The following PLD3 variants were observed in gnomAD, a reference collection of about 807,000 sequenced individuals.
The protein encoded by PLD3 is phospholipase D family member 3.
In PLD3, 31 loss-of-function variants were observed where a neutral mutation model predicts 58.4. The ratio of observed to expected loss-of-function variants is 0.53; its 90% CI spans 0.40 to 0.72. PLD3 has a LOEUF of 0.72. Ranked by LOEUF, PLD3 falls within the 30% of genes least tolerant of loss-of-function variation. The pLI is 0.00. For missense variants in PLD3, 595 were observed against 659.8 expected (o/e 0.90, Z 1.08); for synonymous variants, 264 against 273.4 (o/e 0.97, Z 0.34).
intron 11 of PLD3, 60 bp from the exon 12 acceptor site, chr19:40,377,726 C>T (rs2079271055): frequency 4.1e-6 from 5 of 1,232,646 alleles, no homozygotes; most frequent in African/African-American, 1.5e-5. Context: ...TCCCTGATCC[C>T]GGGGCTCCTC....
intron 6 of PLD3, among the ~76,000 whole-genome samples, chr19:40,368,258 C>T (rs1377000433): frequency 1.3e-5 from 2 of 152,206 alleles, no homozygotes; most frequent in African/African-American, 2.4e-5. Context: ...GCCACCTCTT[C>T]TCTCCAGCTT....
intron 6 of PLD3, among the ~76,000 whole-genome samples, chr19:40,369,303 G>A (rs1024914344): frequency 4.0e-5 from 6 of 151,708 alleles, no homozygotes; most frequent in Admixed American, 2.0e-4. Flanking sequence ...TGAGGCAGGC[G>A]GAATGCTTGA....
rs745463234 is a variant in PLD3, at chr19:40,377,876, A to G, written c.1276A>G (p.Thr426Ala). 37 of 1,613,692 alleles carry G rather than the reference A, an allele frequency of 2.3e-5. No homozygotes were observed. The highest frequency in any genetic ancestry group is 2.9e-5 in the Non-Finnish European group (34 of 1,179,814). Residue 426 changes from threonine to alanine, a missense_variant, in exon 12 of 13, where the codon ACC (threonine) becomes GCC (alanine). Thr to Ala is a moderately conservative substitution (Grantham distance 58). Coordinates refer to ENST00000409735, the MANE Select transcript of PLD3 (RefSeq NM_012268.4). ...HNKYMVTERA[T>A]YIGTSNWSGN... ...CAAGTACATGGTGACTGAACGCGCC[A>G]CCTACATCGGTGAGTGTCTTGAGCA...
Position 40,366,502 on chromosome 19 carries a change from T to C in PLD3, c.19T>C (p.Tyr7His). The C allele has an allele frequency of 1.9e-6, 3 of 1,613,566 alleles. No individual in the cohort carries two copies. The highest frequency in any genetic ancestry group is 1.3e-5 in the African/African-American group (1 of 75,000). The change falls in exon 3 of 13, where the codon TAC (tyrosine) becomes CAC (histidine). Residue 7 changes from tyrosine (Y) to histidine (H), a missense_variant. By Grantham distance (83) the Tyr-to-His change is moderately conservative. Coordinates refer to ENST00000409735, the MANE Select transcript of PLD3 (RefSeq NM_012268.4). ...AGGGAAGATGAAGCCTAAACTGATG[T>C]ACCAGGAGGTAGGTGGATTGGGGGG... is the stretch of plus-strand genomic sequence containing the variant. Reference protein sequence around the residue: MKPKLMYQELKVPAEEP... With the variant: MKPKLMHQELKVPAEEP...
rs569404689 is a variant in PLD3 at position 40,354,129 on chromosome 19, A to C, written c.-279+5361A>C. The stretch of plus-strand genomic sequence containing the variant: ...CGCTCTGTTGCCCAGGCTGGAGTGC[A>C]GTGGCGCGATCTCGGCTCACTGCAA... On this transcript the variant is annotated intron_variant, in intron 1 of 12. Coordinates refer to ENST00000409735, the MANE Select transcript of PLD3 (RefSeq NM_012268.4). Among the ~76,000 whole-genome samples, 21 of 133,302 alleles carry C rather than the reference A, an allele frequency of 1.6e-4. No homozygotes were observed. In the East Asian group the frequency reaches 2.0e-3, roughly 13 times the overall value. The allele number at this position is 133,302 out of a possible 152,430, so 87.5% of individuals were successfully genotyped here.
At chr19:40,370,303 G>T (rs1015288018) in intron 8 of PLD3, 66 bp downstream of exon 8, 2 of 1,527,280 alleles carry the variant, frequency 1.3e-6, no homozygotes, top group African/African-American at 2.7e-5. Flanking sequence ...CCCAGCCTCC[G>T]ACTGCATCCC....
chr19:40,375,466 T>C (rs1218320667), intron 10 of PLD3, among the ~76,000 whole-genome samples: 3 of 149,316 alleles, frequency 2.0e-5, no homozygotes, highest in Non-Finnish European at 4.5e-5. Context: ...CTGGCCAACA[T>C]GGTGAAGCCC....
chr19:40,368,497 T>C (rs1280298072), intron 6 of PLD3, among the ~76,000 whole-genome samples: 2 of 152,222 alleles, frequency 1.3e-5, no homozygotes, highest in Admixed American at 6.5e-5. Flanking sequence ...ACCTCTTCCA[T>C]TGAAAAACCA....
chr19:40,366,790 G>T lies in PLD3; in HGVS notation c.120G>T (p.Leu40=). 6.2e-7 allele frequency: 1 copy of T among 1,613,952 alleles called. No individual in the cohort carries two copies. The highest frequency in any genetic ancestry group is 8.5e-7 in the Non-Finnish European group (1 of 1,179,910). Residue 40 remains leucine (L), a synonymous_variant, in exon 5 of 13, where the codon CTG becomes CTT. Coordinates refer to ENST00000409735, the MANE Select transcript of PLD3 (RefSeq NM_012268.4). The part of the protein sequence containing the change: ...KAAEKKARWV[L]LVLILAVVGF... Reference sequence around the variant, plus strand: ...CCCCACAGAAAGCCCGCTGGGTCCTGCTGGTCCTCATTCTGGCGGTTGTGG... The same window carrying T: ...CCCCACAGAAAGCCCGCTGGGTCCTTCTGGTCCTCATTCTGGCGGTTGTGG...
At chr19:40,375,017 G>A (rs540329516) in intron 10 of PLD3, among the ~76,000 whole-genome samples, 8 of 152,232 alleles carry the variant, frequency 5.3e-5, no homozygotes, top group Admixed American at 4.6e-4. Flanking sequence ...TTAGCCGGGC[G>A]TGGTGGCACG....
Position 40,378,421 on chromosome 19 carries a change from C to T in PLD3, c.*248C>T, listed in dbSNP as rs1257637332. 5.0e-6 allele frequency: 3 copies of T among 602,560 alleles called. No homozygotes were observed. The highest frequency in any genetic ancestry group is 8.9e-6 in the Non-Finnish European group (3 of 336,196). The allele number at this position is 602,560 out of a possible 1,614,324, so 37.3% of individuals were successfully genotyped here. A position where few individuals can be genotyped will look rare whatever the true frequency, so the allele number is the denominator to read the frequency against. ...GTGCATGCTGGGCCTGGCCCCCTGG[C>T]CCACCCCCACTTTCCAGGGCAAAAA... is the stretch of plus-strand genomic sequence containing the variant. On this transcript the variant is annotated 3_prime_UTR_variant, in exon 13 of 13. Coordinates refer to ENST00000409735, the MANE Select transcript of PLD3 (RefSeq NM_012268.4).
intron 6 of PLD3, among the ~76,000 whole-genome samples, chr19:40,368,122 A>G (rs929487018): frequency 1.3e-5 from 2 of 152,154 alleles, no homozygotes; most frequent in African/African-American, 4.8e-5. Context: ...AGGGATTATT[A>G]GGCTGGCAGA....
chr19:40,367,380 A>T (rs1828897484), intron 5 of PLD3: 2 of 282,392 alleles, frequency 7.1e-6, no homozygotes, highest in Non-Finnish European at 1.3e-5. Flanking sequence ...CAGGAGTTCC[A>T]GACCAGCCTG....
intron 1 of PLD3, among the ~76,000 whole-genome samples, chr19:40,353,858 G>A (rs952963503): frequency 7.3e-5 from 11 of 151,308 alleles, no homozygotes; most frequent in South Asian, 6.3e-4. Context: ...GATTACAGGC[G>A]TGAGCCACCA....
At chr19:40,359,684 A>C (rs2078734371) in intron 1 of PLD3, 2 of 152,118 alleles carry the variant, frequency 1.3e-5, no homozygotes, top group South Asian at 4.1e-4. Flanking sequence ...TGTGCATTTA[A>C]AAAAATTCAA....
chr19:40,371,980 C>T (rs1230954285), intron 9 of PLD3, 107 bp downstream of exon 9: 3 of 860,748 alleles, frequency 3.5e-6, no homozygotes, highest in Non-Finnish European at 5.7e-6. Context: ...TCCTGACCAT[C>T]AGTTCTCACC....
intron 1 of PLD3, chr19:40,356,720 G>A (rs1369927844): frequency 6.5e-6 from 1 of 152,750 alleles, no homozygotes; most frequent in Non-Finnish European, 1.5e-5. Flanking sequence ...AACCTCTAGA[G>A]CTGGAGTCAG....
In PLD3 at chr19:40,352,068, T is replaced by C. The variant is rs1353178610; in HGVS notation, c.-279+3300T>C. 3.3e-5 allele frequency among the ~76,000 whole-genome samples: 5 copies of C among 152,196 alleles called. No individual in the cohort carries two copies. In the East Asian group the frequency reaches 9.7e-4, roughly 29 times the overall value. On this transcript the variant is annotated intron_variant, in intron 1 of 12. Coordinates refer to ENST00000409735, the MANE Select transcript of PLD3 (RefSeq NM_012268.4). Reference sequence around the variant, plus strand: ...GGGCGGATCACTTGAGGTCAGGAGTTCGAAACCACCCTGACCAACATGGTG... The same window carrying C: ...GGGCGGATCACTTGAGGTCAGGAGTCCGAAACCACCCTGACCAACATGGTG...
Position 40,369,953 on chromosome 19 carries a change from G to A in PLD3, c.475G>A (p.Val159Met), listed in dbSNP as rs374184677. 2.1e-4 allele frequency: 328 copies of A among 1,562,080 alleles called. No individual in the cohort carries two copies. The highest frequency in any genetic ancestry group is 1.4e-3 in the Middle Eastern group (8 of 5,554). ...GCTGCAGACCCTGGCACCAAAGGGC[G>A]TGAACGTCCGCATCGCTGTGAGCAA... ...RQLQTLAPKG[V>M]NVRIAVSKPS... Residue 159 changes from valine (V) to methionine (M), a missense_variant, in exon 7 of 13, where the codon GTG (valine) becomes ATG (methionine). Physicochemically the swap from Val to Met is conservative, Grantham distance 21. Coordinates refer to ENST00000409735, the MANE Select transcript of PLD3 (RefSeq NM_012268.4).
Sources: gnomAD v4.1 joint callset for allele counts (sites outside exome capture counted in the v4.1 genomes callset) on GRCh38, gnomAD v4.1.1 for gene constraint, MANE v1.5 for transcripts, NCBI Gene and HGNC (gene_info 2026-07-23, HGNC 2026-07-21) for gene names.